Variants in RNF14 observed in about 807,000 individuals in gnomAD.
RNF14 encodes the protein E3 ubiquitin-protein ligase RNF14.
A neutral mutation model predicts 52.6 loss-of-function variants in RNF14; 26 were observed. The observed-to-expected ratio is 0.49, with a 90% CI of 0.36 to 0.69. The LOEUF is 0.69. Ranked by LOEUF, RNF14 falls within the 30% of genes least tolerant of loss-of-function variation. The pLI is 0.00. For missense variants in RNF14, 404 were observed against 560.4 expected, an observed-to-expected ratio of 0.72 and a Z score of 2.82; for synonymous variants, 194 against 202.0, an observed-to-expected ratio of 0.96 and a Z score of 0.34.
At chr5:141,984,990 G>C in intron 8 of RNF14, 57 bp downstream of exon 8, 1 of 1,482,720 alleles carries the variant, frequency 6.7e-7, no homozygotes, top group South Asian at 1.2e-5. Flanking sequence ...TTGATTTGCA[G>C]ACCACAAATC....
chr5:141,964,946 T>TAA (rs200200162), upstream of RNF14, among the ~76,000 whole-genome samples: 9 of 150,336 alleles, frequency 6.0e-5, no homozygotes, highest in African/African-American at 2.2e-4. Flanking sequence ...TAATTTTTTT[T>TAA]AAAAAAAAAC....
upstream of RNF14, chr5:141,953,403 A>G (rs1753121443): frequency 6.6e-6 from 1 of 152,240 alleles, no homozygotes; most frequent in African/African-American, 2.4e-5. Context: ...ATCTCATTTA[A>G]TTCTTACAAC....
chr5:141,968,036 A>C (rs115520786), upstream of RNF14, among the ~76,000 whole-genome samples: 556 of 152,302 alleles, frequency 3.7e-3, 3 homozygotes, highest in African/African-American at 0.013. Flanking sequence ...GGCAACCACT[A>C]AACTACTTTT....
At chr5:141,955,373 G>T, upstream of RNF14, 1 of 1,613,996 alleles carries the variant, frequency 6.2e-7, no homozygotes, top group Non-Finnish European at 8.5e-7. The surrounding 1 kb of genome is among the most constrained non-coding windows in gnomAD (Gnocchi z 5.5). Context: ...CCTTGATTAC[G>T]CAGCGTCCTG....
At chr5:141,949,778 A>T in the RNF14 span, among the ~76,000 whole-genome samples, 1 of 144,940 alleles carries the variant, frequency 6.9e-6, no homozygotes, top group Non-Finnish European at 1.5e-5. Context: ...AAATGAGAGT[A>T]ATAAATAACA....
intron 1 of RNF14, among the ~76,000 whole-genome samples, chr5:141,970,387 C>A (rs1452383295): frequency 1.3e-5 from 2 of 152,058 alleles, no homozygotes; most frequent in African/African-American, 4.8e-5. Context: ...GAGAAAAAAA[C>A]AAAACAAAAA....
intron 7 of RNF14, among the ~76,000 whole-genome samples, chr5:141,984,028 ATTG>A (rs1014690088): frequency 1.4e-4 from 21 of 151,812 alleles, no homozygotes; most frequent in Admixed American, 7.9e-4. Context: ...ATTTGATTCT[ATTG>A]TTCTAATCTG....
At chr5:141,972,176 C>G (rs1753838174) in intron 2 of RNF14, among the ~76,000 whole-genome samples, 1 of 152,004 alleles carries the variant, frequency 6.6e-6, no homozygotes. Flanking sequence ...GTTTTCTCAC[C>G]TGGGAGCAAT....
rs1754117099 is a variant in RNF14, at chr5:141,974,974, T to A, written c.306+19T>A. On this transcript the variant is annotated intron_variant, in intron 4 of 8. Coordinates refer to ENST00000394520, the MANE Select transcript of RNF14 (RefSeq NM_004290.5). ...AACTCAGGTTAGACTTGAAACTTAA[T>A]TTTTCCTATCCATTTTTAGAAACTT... 1.2e-6 allele frequency: 2 copies of A among 1,609,452 alleles called. No homozygotes were observed. Among genetic ancestry groups the A allele is most frequent in the South Asian group, 2.2e-5 (2 of 90,160 alleles).
upstream of RNF14, chr5:141,957,189 G>T (rs370982872): frequency 6.2e-7 from 1 of 1,614,160 alleles, no homozygotes; most frequent in East Asian, 2.2e-5. This position sits in a 1 kb window ranked among gnomAD's most constrained non-coding sequence, Gnocchi z 4.3. Context: ...ACTTGGGGGG[G>T]TTCCCATTGT....
At chr5:141,967,826 T>A (rs549192482), upstream of RNF14, among the ~76,000 whole-genome samples, 5 of 152,338 alleles carry the variant, frequency 3.3e-5, no homozygotes, top group South Asian at 4.1e-4. Context: ...CCTAAAAAAA[T>A]TTTTTAATTA....
chr5:141,966,537 GCA>G (rs1465429901), upstream of RNF14, among the ~76,000 whole-genome samples: 4 of 152,138 alleles, frequency 2.6e-5, no homozygotes, highest in Non-Finnish European at 5.9e-5. Flanking sequence ...GAAATATTTA[GCA>G]CAGTGGAGGG....
At position 141,989,282 on chromosome 5, in the gene RNF14, G is replaced by A. The variant is rs1468448331; in HGVS notation, c.*1492G>A. 1 of 152,208 alleles carries A rather than the reference G, an allele frequency of 6.6e-6. No individual in the cohort carries two copies. Among genetic ancestry groups the A allele is most frequent in the Non-Finnish European group, 1.5e-5 (1 of 68,020 alleles). The allele number at this position is 152,208 out of a possible 1,614,324, so 9.4% of individuals were successfully genotyped here. On this transcript the variant is annotated 3_prime_UTR_variant, in exon 9 of 9. Coordinates refer to ENST00000394520, the MANE Select transcript of RNF14 (RefSeq NM_004290.5). ...CATATTCTTAAAGTAAGAAAAAAAA[G>A]GTCACAGAATAGCATCTCTTTTACC...
At chr5:141,959,902 A>G (rs1753244737) in intron 1 of RNF14, among the ~76,000 whole-genome samples, 1 of 152,138 alleles carries the variant, frequency 6.6e-6, no homozygotes, top group South Asian at 2.1e-4. Context: ...CGATCTCACA[A>G]GGTGGGGTAA....
At chr5:141,987,670 G>A (rs75774668) in intron 8 of RNF14, 63 bp from the exon 9 acceptor site, 34,670 of 1,486,334 alleles carry the variant, frequency 0.023, 515 homozygotes, top group Non-Finnish European at 0.028. Flanking sequence ...ATTTTTCAGC[G>A]GAGAGGCAAT....
At chr5:141,970,058 T>TA (rs1172914694) in intron 1 of RNF14, among the ~76,000 whole-genome samples, 2 of 152,254 alleles carry the variant, frequency 1.3e-5, no homozygotes, top group Non-Finnish European at 2.9e-5. Context: ...ATTTGGGAGT[T>TA]ACACATCCGA....
chr5:141,981,863 A>AAG (rs1554083123), intron 6 of RNF14, among the ~76,000 whole-genome samples: 4 of 151,886 alleles, frequency 2.6e-5, no homozygotes, highest in African/African-American at 7.3e-5. Context: ...AAAAAAAAAA[A>AAG]AGAGGAAAAA....
chr5:141,951,452 T>C, the RNF14 span: 1 of 1,474,604 alleles, frequency 6.8e-7, no homozygotes. Context: ...GGGCGGCCAG[T>C]AGGGGCCTTG....
At chr5:141,956,272 T>C, upstream of RNF14, 1 of 1,614,224 alleles carries the variant, frequency 6.2e-7, no homozygotes, top group Non-Finnish European at 8.5e-7. Context: ...GCCGGCCATC[T>C]CTTCATAGTT....
Sources: allele counts gnomAD v4.1 joint callset (sites outside exome capture counted in the v4.1 genomes callset), GRCh38; gene constraint gnomAD v4.1.1; non-coding constraint Gnocchi (gnomAD v3.1); transcripts MANE v1.5; gene names NCBI Gene and HGNC (gene_info 2026-07-23, HGNC 2026-07-21).